Variants in EXOC6B observed in about 807,000 individuals in gnomAD.
The protein encoded by EXOC6B is SEC15 homolog B.
A neutral mutation model predicts 113.5 loss-of-function variants in EXOC6B; 54 were observed. That is an observed-to-expected ratio of 0.48 (90% CI 0.38 to 0.60). The LOEUF (loss-of-function observed/expected upper bound fraction) is 0.60. Ranked by LOEUF, EXOC6B falls within the 20% of genes least tolerant of loss-of-function variation. The pLI is 0.00. For missense variants in EXOC6B, 797 were observed against 977.5 expected (o/e 0.82, Z 2.46); for synonymous variants, 357 against 339.0 (o/e 1.05, Z -0.58).
At chr2:72,579,210 G>A (rs753944873) in intron 6 of EXOC6B, among the ~76,000 whole-genome samples, 5 of 152,284 alleles carry the variant, frequency 3.3e-5, no homozygotes, top group East Asian at 1.9e-4. Context: ...TATTCTGGCC[G>A]TGATGACTAA....
At chr2:72,220,570 G>A (rs747488138) in intron 20 of EXOC6B, among the ~76,000 whole-genome samples, 2 of 151,932 alleles carry the variant, frequency 1.3e-5, no homozygotes, top group Non-Finnish European at 2.9e-5. Context: ...CTTGTATTTC[G>A]GATCTTCAGG....
intron 1 of EXOC6B, among the ~76,000 whole-genome samples, chr2:72,769,215 T>C (rs1683272887): frequency 6.6e-6 from 1 of 152,124 alleles, no homozygotes; most frequent in Admixed American, 6.6e-5. Context: ...TAAAGGGAGT[T>C]CTGCATACAA....
chr2:72,401,558 T>C lies in EXOC6B; in HGVS notation c.1981-21688A>G, dbSNP rs1392194068. 5.2e-4 allele frequency among the ~76,000 whole-genome samples: 19 copies of C among 36,268 alleles called. 1 individual carries two copies. Among genetic ancestry groups the C allele is most frequent in the African/African-American group, 3.8e-3 (12 of 3,192 alleles). The allele number at this position is 36,268 out of a possible 152,430, so 23.8% of individuals were successfully genotyped here. A position where few individuals can be genotyped will look rare whatever the true frequency, so the allele number is the denominator to read the frequency against. On this transcript the variant is annotated intron_variant, in intron 18 of 21. Coordinates refer to ENST00000272427, the MANE Select transcript of EXOC6B (RefSeq NM_015189.3). Reference sequence around the variant, plus strand: ...ATATATATATATGTGTATATATATATATATATACATATATATATATATACA... The same window carrying C: ...ATATATATATATGTGTATATATATACATATATACATATATATATATATACA...
intron 6 of EXOC6B, among the ~76,000 whole-genome samples, chr2:72,664,880 A>G (rs1675281119): frequency 6.6e-6 from 1 of 152,242 alleles, no homozygotes; most frequent in African/African-American, 2.4e-5. Context: ...CCACTGATAC[A>G]GCCAGTGCCC....
chr2:72,623,326 A>G (rs1671860837), intron 6 of EXOC6B, among the ~76,000 whole-genome samples: 1 of 152,184 alleles, frequency 6.6e-6, no homozygotes, highest in African/African-American at 2.4e-5. Context: ...GGCTAGAGAT[A>G]CATTGGCAAA....
chr2:72,751,814 T>G (rs1682062660), intron 1 of EXOC6B, among the ~76,000 whole-genome samples: 1 of 152,114 alleles, frequency 6.6e-6, no homozygotes, highest in Non-Finnish European at 1.5e-5. Context: ...TAAAATTTTT[T>G]TAAAATAGTT....
chr2:72,267,434 A>G (rs1307728444), intron 20 of EXOC6B, among the ~76,000 whole-genome samples: 2 of 152,230 alleles, frequency 1.3e-5, no homozygotes, highest in African/African-American at 4.8e-5. Flanking sequence ...ACATCCCATC[A>G]ATACCTAATT....
intron 20 of EXOC6B, among the ~76,000 whole-genome samples, chr2:72,262,776 T>C (rs973472726): frequency 1.2e-4 from 18 of 152,104 alleles, no homozygotes; most frequent in Non-Finnish European, 2.1e-4. Context: ...TTTGCATTCA[T>C]CCTTCAAAAT....
At chr2:72,365,776 C>T (rs1281674651) in intron 19 of EXOC6B, among the ~76,000 whole-genome samples, 2 of 152,112 alleles carry the variant, frequency 1.3e-5, no homozygotes, top group African/African-American at 4.8e-5. Context: ...CTGTGAAAGT[C>T]TTACAGGGAT....
chr2:72,724,206 GGGA>G (rs1357283987), intron 5 of EXOC6B, among the ~76,000 whole-genome samples: 1 of 151,722 alleles, frequency 6.6e-6, no homozygotes, highest in East Asian at 1.9e-4. Flanking sequence ...AAGGAAGGAA[GGGA>G]GAGAGTGGGA....
intron 20 of EXOC6B, among the ~76,000 whole-genome samples, chr2:72,321,647 G>T (rs958113046): frequency 6.6e-6 from 1 of 151,900 alleles, no homozygotes; most frequent in Non-Finnish European, 1.5e-5. Flanking sequence ...CCGTTTATAC[G>T]CATTATTCCA....
chr2:72,742,201 C>T (rs1681363341), intron 1 of EXOC6B, among the ~76,000 whole-genome samples: 1 of 152,226 alleles, frequency 6.6e-6, no homozygotes, highest in Admixed American at 6.5e-5. Context: ...AATTCAGTCC[C>T]TCTTGCTGTC....
chr2:72,377,907 C>G (rs1248862146), intron 19 of EXOC6B, among the ~76,000 whole-genome samples: 1 of 151,722 alleles, frequency 6.6e-6, no homozygotes, highest in African/African-American at 2.4e-5. Flanking sequence ...AATTTAGCCA[C>G]TCCAGAAGTA....
intron 21 of EXOC6B, among the ~76,000 whole-genome samples, chr2:72,182,012 G>T (rs1267546444): frequency 6.6e-6 from 1 of 152,194 alleles, no homozygotes; most frequent in African/African-American, 2.4e-5. Context: ...GAAGGGCCAG[G>T]TTGAAAAGGA....
At chr2:72,689,790 CAG>C (rs1346828090) in intron 6 of EXOC6B, among the ~76,000 whole-genome samples, 1 of 152,198 alleles carries the variant, frequency 6.6e-6, no homozygotes, top group Non-Finnish European at 1.5e-5. Context: ...TAATGCAGCA[CAG>C]GGGACATAGC....
At chr2:72,607,522 C>A (rs1164359404) in intron 6 of EXOC6B, among the ~76,000 whole-genome samples, 1 of 152,072 alleles carries the variant, frequency 6.6e-6, no homozygotes, top group South Asian at 2.1e-4. Flanking sequence ...ATCTCTCTCT[C>A]AAAAAATAAA....
intron 20 of EXOC6B, among the ~76,000 whole-genome samples, chr2:72,285,667 C>T (rs1685383445): frequency 6.6e-6 from 1 of 151,990 alleles, no homozygotes; most frequent in African/African-American, 2.4e-5. Context: ...AAAATTTCTG[C>T]TCTGCAAAAG....
intron 8 of EXOC6B, among the ~76,000 whole-genome samples, chr2:72,547,299 C>G (rs1014713185): frequency 6.6e-6 from 1 of 152,146 alleles, no homozygotes; most frequent in Non-Finnish European, 1.5e-5. Flanking sequence ...TGGGGGATTG[C>G]TAAAAATGTC....
At chr2:72,725,651 CAA>C (rs1331162087) in intron 5 of EXOC6B, among the ~76,000 whole-genome samples, 1 of 152,174 alleles carries the variant, frequency 6.6e-6, no homozygotes, top group African/African-American at 2.4e-5. Flanking sequence ...CTCGGCCTCC[CAA>C]AGTGCTGGGA....
Sources: gnomAD v4.1 joint callset for allele counts (sites outside exome capture counted in the v4.1 genomes callset) on GRCh38, gnomAD v4.1.1 for gene constraint, MANE v1.5 for transcripts, NCBI Gene and HGNC (gene_info 2026-07-23, HGNC 2026-07-21) for gene names.